PDE8A: variants seen among roughly 807,000 people sequenced by gnomAD.
PDE8A encodes the protein phosphodiesterase 8A.
PDE8A carries 59 observed loss-of-function variants against 105.0 expected under a neutral mutation model. The ratio of observed to expected loss-of-function variants is 0.56; its 90% confidence interval spans 0.46 to 0.70. PDE8A has a LOEUF of 0.70. Among genes scored for constraint, PDE8A ranks in the 30% least tolerant of loss-of-function variants. The probability of loss-of-function intolerance (pLI) is 0.00; values close to 1 mark genes in which losing one functional copy is unlikely to be tolerated. For synonymous variants in PDE8A, 355 were observed against 371.9 expected, an observed-to-expected ratio of 0.95 and a Z score of 0.52; for missense variants, 1,014 against 1,045.9, an observed-to-expected ratio of 0.97 and a Z score of 0.42.
intron 1 of PDE8A, among the ~76,000 whole-genome samples, chr15:85,041,042 C>A (rs1567244156): frequency 1.3e-5 from 2 of 152,152 alleles, no homozygotes; most frequent in Non-Finnish European, 2.9e-5. Context: ...CATATGTCCC[C>A]TTACAGATCT....
At chr15:84,982,609 TC>T (rs2079735299) in intron 1 of PDE8A, among the ~76,000 whole-genome samples, 1 of 119,966 alleles carries the variant, frequency 8.3e-6, no homozygotes. Flanking sequence ...TTTGGACACA[TC>T]CGACTCCCGG....
chr15:85,120,716 TA>T, intron 17 of PDE8A, 80 bp from the exon 18 acceptor site: 2 of 807,312 alleles, frequency 2.5e-6, no homozygotes, highest in Non-Finnish European at 4.0e-6. Context: ...CTGAAAGTAA[TA>T]GGGGAGAAAG....
At chr15:85,121,626 T>C (rs1320206383) in intron 18 of PDE8A, among the ~76,000 whole-genome samples, 1 of 143,532 alleles carries the variant, frequency 7.0e-6, no homozygotes, top group Non-Finnish European at 1.5e-5. Context: ...AGCGAGACCC[T>C]GTCTCAAAAT....
intron 1 of PDE8A, among the ~76,000 whole-genome samples, chr15:85,005,552 T>C (rs181156328): frequency 6.6e-6 from 1 of 152,300 alleles, no homozygotes; most frequent in East Asian, 1.9e-4. Flanking sequence ...AAAGAACATT[T>C]TGAGAGAATT....
intron 1 of PDE8A, among the ~76,000 whole-genome samples, chr15:85,018,143 T>C (rs1244032319): frequency 6.6e-6 from 1 of 152,198 alleles, no homozygotes; most frequent in African/African-American, 2.4e-5. Flanking sequence ...ACAGGACTTT[T>C]GCAGCTCTTC....
At chr15:85,002,341 G>C (rs1231334078) in intron 1 of PDE8A, among the ~76,000 whole-genome samples, 3 of 152,164 alleles carry the variant, frequency 2.0e-5, no homozygotes, top group Non-Finnish European at 2.9e-5. Context: ...CAGTTTATTA[G>C]GAAGGATATA....
chr15:85,079,626 A>G (rs1226583326), intron 5 of PDE8A, among the ~76,000 whole-genome samples: 1 of 152,224 alleles, frequency 6.6e-6, no homozygotes, highest in Non-Finnish European at 1.5e-5. Flanking sequence ...GAAAGAATAG[A>G]AGCAGGCTGG....
rs74927365 is a variant in PDE8A, at chr15:85,110,862, T to G, written c.1114+1732T>G. Among the ~76,000 whole-genome samples the G allele has an allele frequency of 6.0e-4, 92 of 152,330 alleles. 2 individuals are homozygous for G. In the East Asian group the frequency reaches 0.016, roughly 27 times the overall value. ...ATTCTCCAATAATAGCTCCAACATATGGCACCATGTTACTCTCCTCACTCA... is the reference window on the plus strand; with the variant it reads ...ATTCTCCAATAATAGCTCCAACATAGGGCACCATGTTACTCTCCTCACTCA... On this transcript the variant is annotated intron_variant, in intron 12 of 21. Transcript: ENST00000394553.
chr15:85,013,954 C>T (rs917189588), intron 1 of PDE8A, among the ~76,000 whole-genome samples: 5 of 152,124 alleles, frequency 3.3e-5, no homozygotes, highest in Admixed American at 6.6e-5. Flanking sequence ...GCTGGCTTCC[C>T]GCAGAGAAGT....
chr15:85,118,762 C>T (rs1367359956), intron 17 of PDE8A, among the ~76,000 whole-genome samples: 1 of 152,248 alleles, frequency 6.6e-6, no homozygotes, highest in Non-Finnish European at 1.5e-5. Context: ...CCTAAGATGA[C>T]TGCAGTCATG....
chr15:85,134,650 C>T (rs2082378393), intron 20 of PDE8A, among the ~76,000 whole-genome samples: 1 of 152,216 alleles, frequency 6.6e-6, no homozygotes, highest in Admixed American at 6.5e-5. Context: ...ACCTGACTTT[C>T]TTGGCACTTG....
At chr15:85,072,277 C>A (rs1266973041) in intron 3 of PDE8A, among the ~76,000 whole-genome samples, 1 of 152,180 alleles carries the variant, frequency 6.6e-6, no homozygotes, top group Non-Finnish European at 1.5e-5. Flanking sequence ...GGGCTATGTT[C>A]TTATAGTGAG....
At chr15:85,016,413 T>G (rs1388152379) in intron 1 of PDE8A, among the ~76,000 whole-genome samples, 1 of 152,230 alleles carries the variant, frequency 6.6e-6, no homozygotes, top group Non-Finnish European at 1.5e-5. Context: ...TATGGAATTA[T>G]TCCCAGCACC....
chr15:85,025,374 G>GT (rs1033136169), intron 1 of PDE8A, among the ~76,000 whole-genome samples: 2 of 148,544 alleles, frequency 1.3e-5, no homozygotes, highest in African/African-American at 2.5e-5. Context: ...ATTCCCAGGC[G>GT]TTTTTTCCTG....
At chr15:85,048,043 A>G (rs2080914532) in intron 1 of PDE8A, among the ~76,000 whole-genome samples, 2 of 152,156 alleles carry the variant, frequency 1.3e-5, no homozygotes, top group Non-Finnish European at 2.9e-5. Flanking sequence ...GCCTCTCATT[A>G]TAATTTAGCA....
In PDE8A at chr15:85,091,198, T is replaced by C; in HGVS notation, c.852+17T>C. 6.3e-7 allele frequency: 1 copy of C among 1,581,746 alleles called. No homozygotes were observed. Among genetic ancestry groups the C allele is most frequent in the Non-Finnish European group, 8.6e-7 (1 of 1,163,986 alleles). On this transcript the variant is annotated intron_variant, in intron 8 of 21. Coordinates refer to ENST00000394553, the MANE Select transcript of PDE8A (RefSeq NM_002605.3). Reference sequence around the variant, plus strand: ...ATAGGCAAGGTAAGTAAGAGGTCAGTGCCTTTTTTAACTTTCACAACACAG... The same window carrying C: ...ATAGGCAAGGTAAGTAAGAGGTCAGCGCCTTTTTTAACTTTCACAACACAG...
chr15:85,056,899 T>A (rs1339826861), intron 1 of PDE8A, among the ~76,000 whole-genome samples: 1 of 152,232 alleles, frequency 6.6e-6, no homozygotes, highest in Non-Finnish European at 1.5e-5. Flanking sequence ...GCACTCCGAT[T>A]TTTAGAATGT....
chr15:85,038,923 A>G (rs1325741632), intron 1 of PDE8A, among the ~76,000 whole-genome samples: 1 of 152,136 alleles, frequency 6.6e-6, no homozygotes, highest in Non-Finnish European at 1.5e-5. Context: ...GGAGTTTGAG[A>G]CCAGCCTGAC....
At position 85,133,193 on chromosome 15, in the gene PDE8A, G is replaced by T. The variant is rs189605188; in HGVS notation, c.2254-3341G>T. 9.6e-4 allele frequency among the ~76,000 whole-genome samples: 146 copies of T among 152,164 alleles called. 1 individual carries two copies. Among genetic ancestry groups the T allele is most frequent in the African/African-American group, 3.4e-3 (141 of 41,512 alleles). ...CTGCTTTCAGATGTCTTAATTTCCT[G>T]AAGTGTCTTGTCTGAGGTTATCCTC... On this transcript the variant is annotated intron_variant, in intron 20 of 21. Coordinates refer to ENST00000394553, the MANE Select transcript of PDE8A (RefSeq NM_002605.3).
Sources: allele counts gnomAD v4.1 joint callset (sites outside exome capture counted in the v4.1 genomes callset), GRCh38; gene constraint gnomAD v4.1.1; transcripts MANE v1.5; gene names NCBI Gene and HGNC (gene_info 2026-07-23, HGNC 2026-07-21).